Variants in IER2 observed in about 807,000 individuals in gnomAD.
The protein encoded by IER2 is immediate early response 2, also known as immediate early response gene 2 protein.
For synonymous variants in IER2, 198 were observed against 149.6 expected (o/e 1.32, Z -2.36); for missense variants, 372 against 325.4 (o/e 1.14, Z -1.10).
intron 1 of IER2, chr19:13,152,032 T>G (rs2020071062): frequency 6.6e-6 from 1 of 152,240 alleles, no homozygotes; most frequent in Non-Finnish European, 1.5e-5. Flanking sequence ...ATGGAGCCAT[T>G]CGAACAATTC....
Position 13,153,251 on chromosome 19 carries a change from G to GC in IER2, c.66dup (p.Met23HisfsTer46). The GC allele has an allele frequency of 6.3e-7, 1 of 1,581,424 alleles. No homozygotes were observed. Among genetic ancestry groups the GC allele is most frequent in the Non-Finnish European group, 8.6e-7 (1 of 1,164,132 alleles). ...TCGGTGTGGAAGATGTATCACTCCC[G>GC]CATGCAGCGCGGTGGCCTGCGGCTG... On this transcript the variant is annotated frameshift_variant, in exon 2 of 2. Coordinates refer to ENST00000292433, the MANE Select transcript of IER2 (RefSeq NM_004907.3). LOFTEE classifies it low-confidence loss of function (END_TRUNC).
intron 1 of IER2, among the ~76,000 whole-genome samples, chr19:13,151,132 T>C (rs978649762): frequency 1.3e-4 from 20 of 151,788 alleles, no homozygotes; most frequent in African/African-American, 4.6e-4. Context: ...TTTTGAGTGA[T>C]AGGGGGCCTG....
Position 13,154,193 on chromosome 19 carries a change from G to T in IER2, c.*335G>T. 5.8e-6 allele frequency: 2 copies of T among 344,142 alleles called. No individual in the cohort carries two copies. The highest frequency in any genetic ancestry group is 1.9e-4 in the South Asian group (2 of 10,558). The allele number at this position is 344,142 out of a possible 1,614,324, so 21.3% of individuals were successfully genotyped here. On this transcript the variant is annotated 3_prime_UTR_variant, in exon 2 of 2. Transcript: ENST00000292433. Reference sequence around the variant, plus strand: ...GGGAGAAGGGAGGCTTGGGTGTTGTGTTTTTTGTTTTGTTTGTTTGTTTGT... The same window carrying T: ...GGGAGAAGGGAGGCTTGGGTGTTGTTTTTTTTGTTTTGTTTGTTTGTTTGT...
rs1367504154 is a variant in IER2 at position 13,150,506 on chromosome 19, C to T, written c.-290C>T. 3.2e-5 allele frequency: 9 copies of T among 280,334 alleles called. No individual in the cohort carries two copies. The highest frequency in any genetic ancestry group is 1.4e-4 in the South Asian group (3 of 20,898). The allele number at this position is 280,334 out of a possible 1,614,324, so 17.4% of individuals were successfully genotyped here. A position where few individuals can be genotyped will look rare whatever the true frequency, so the allele number is the denominator to read the frequency against. On this transcript the variant is annotated 5_prime_UTR_variant, in exon 1 of 2. Transcript: ENST00000292433. This position sits in a 1 kb window ranked among gnomAD's most constrained non-coding sequence, Gnocchi z 4.0. ...AATTTCGGTTCAAGGCCCAGTTCCTCGGATTGTTCCTGCGCAACTTCAGTT... is the reference window on the plus strand; with the variant it reads ...AATTTCGGTTCAAGGCCCAGTTCCTTGGATTGTTCCTGCGCAACTTCAGTT...
chr19:13,153,988 C>T lies in IER2; in HGVS notation c.*130C>T. 1 of 788,148 alleles carries T rather than the reference C, an allele frequency of 1.3e-6. No homozygotes were observed. Among genetic ancestry groups the T allele is most frequent in the Non-Finnish European group, 1.9e-6 (1 of 530,750 alleles). 48.8% of individuals were successfully genotyped at this position (788,148 alleles called of 1,614,324 possible). A position where few individuals can be genotyped will look rare whatever the true frequency, so the allele number is the denominator to read the frequency against. On this transcript the variant is annotated 3_prime_UTR_variant, in exon 2 of 2. Transcript: ENST00000292433. The stretch of plus-strand genomic sequence containing the variant: ...CGCGAAAACCGTGGAGAGAAGCCGC[C>T]GCCCGGGCTGCTGAGAGGCCCGGAG...
Position 13,150,503 on chromosome 19 carries a change from C to T in IER2, c.-293C>T. On this transcript the variant is annotated 5_prime_UTR_variant, in exon 1 of 2. Coordinates refer to ENST00000292433, the MANE Select transcript of IER2 (RefSeq NM_004907.3). The surrounding 1 kb of genome is among the most constrained non-coding windows in gnomAD (Gnocchi z 4.0). ...CGGAATTTCGGTTCAAGGCCCAGTT[C>T]CTCGGATTGTTCCTGCGCAACTTCA... The T allele has an allele frequency of 3.4e-6, 1 of 290,934 alleles. No homozygotes were observed. The highest frequency in any genetic ancestry group is 6.5e-6 in the Non-Finnish European group (1 of 154,730). The allele number at this position is 290,934 out of a possible 1,614,324, so 18.0% of individuals were successfully genotyped here.
chr19:13,153,145 G>A lies in IER2; in HGVS notation c.-42G>A, dbSNP rs1464363525. Reference sequence around the variant, plus strand: ...CCGGAGTGCACCTGCTGCCTGTTCTGTCCCTCCCGGGAGCCCCCGCCGCTG... The same window carrying A: ...CCGGAGTGCACCTGCTGCCTGTTCTATCCCTCCCGGGAGCCCCCGCCGCTG... On this transcript the variant is annotated 5_prime_UTR_variant, in exon 2 of 2. Transcript: ENST00000292433. 23 of 1,447,312 alleles carry A rather than the reference G, an allele frequency of 1.6e-5. No individual in the cohort carries two copies. Among genetic ancestry groups the A allele is most frequent in the Non-Finnish European group, 2.1e-5 (23 of 1,090,348 alleles). The allele number at this position is 1,447,312 out of a possible 1,614,324, so 89.7% of individuals were successfully genotyped here. A position where few individuals can be genotyped will look rare whatever the true frequency, so the allele number is the denominator to read the frequency against.
rs946035968 is a variant in IER2 at position 13,151,806 on chromosome 19, C to CA, written c.-243-1138_-243-1137insA. ...GCAAAGCCCCGCCCCTCCGCGCCCC[C>CA]CCCCCGGAAGCCCCGCCGCCGGCCG... is the stretch of plus-strand genomic sequence containing the variant. On this transcript the variant is annotated intron_variant, in intron 1 of 1. Coordinates refer to ENST00000292433, the MANE Select transcript of IER2 (RefSeq NM_004907.3). Among the ~76,000 whole-genome samples the CA allele has an allele frequency of 1.4e-4, 18 of 127,978 alleles. No homozygotes were observed. In the South Asian group the frequency reaches 3.1e-3, roughly 22 times the overall value. The allele number at this position is 127,978 out of a possible 152,430, so 84.0% of individuals were successfully genotyped here.
chr19:13,151,005 C>T (rs1035742622), intron 1 of IER2, among the ~76,000 whole-genome samples: 11 of 152,110 alleles, frequency 7.2e-5, no homozygotes, highest in African/African-American at 2.7e-4. Flanking sequence ...CCAGGGGGGC[C>T]CTCTGTGTGT....
chr19:13,150,839 G>T lies in IER2; in HGVS notation c.-244+287G>T, dbSNP rs1052749344. Among the ~76,000 whole-genome samples, 3 of 152,156 alleles carry T rather than the reference G, an allele frequency of 2.0e-5. No individual in the cohort carries two copies. Among genetic ancestry groups the T allele is most frequent in the Non-Finnish European group, 2.9e-5 (2 of 68,022 alleles). On this transcript the variant is annotated intron_variant, in intron 1 of 1. Transcript: ENST00000292433. This position sits in a 1 kb window ranked among gnomAD's most constrained non-coding sequence, Gnocchi z 4.0. ...GCGGAGTTGGGGGCACTTCGAGGTC[G>T]CCTTGGGGCGAGGTGGTCGTGAGGG...
chr19:13,153,068 A>G lies in IER2; in HGVS notation c.-119A>G. Reference sequence around the variant, plus strand: ...GGGCGCCTGGGCAGAGCGTCCTAGCAGTGTCACTGCGTGGGTTGGTTTGTG... The same window carrying G: ...GGGCGCCTGGGCAGAGCGTCCTAGCGGTGTCACTGCGTGGGTTGGTTTGTG... On this transcript the variant is annotated 5_prime_UTR_variant, in exon 2 of 2. Coordinates refer to ENST00000292433, the MANE Select transcript of IER2 (RefSeq NM_004907.3). 2.9e-6 allele frequency: 2 copies of G among 690,298 alleles called. No individual in the cohort carries two copies. The highest frequency in any genetic ancestry group is 4.6e-6 in the Non-Finnish European group (2 of 438,770). 42.8% of individuals were successfully genotyped at this position (690,298 alleles called of 1,614,324 possible).
chr19:13,153,946 A>AGGAAGCT lies in IER2; in HGVS notation c.*88_*89insGGAAGCT. 8.6e-7 allele frequency: 1 copy of AGGAAGCT among 1,161,996 alleles called. No individual in the cohort carries two copies. Among genetic ancestry groups the AGGAAGCT allele is most frequent in the South Asian group, 1.9e-5 (1 of 52,066 alleles). The allele number at this position is 1,161,996 out of a possible 1,614,324, so 72.0% of individuals were successfully genotyped here. A position where few individuals can be genotyped will look rare whatever the true frequency, so the allele number is the denominator to read the frequency against. ...ACCTGAGGCGAGGCCACCCCCCTCC[A>AGGAAGCT]TCCTGGGGGAAGCGCCCGCGAAAAC... is the stretch of plus-strand genomic sequence containing the variant. On this transcript the variant is annotated 3_prime_UTR_variant, in exon 2 of 2. Transcript: ENST00000292433.
chr19:13,153,141 T>A lies in IER2; in HGVS notation c.-46T>A, dbSNP rs1360786432. The A allele has an allele frequency of 7.0e-7, 1 of 1,429,506 alleles. No homozygotes were observed. The allele number at this position is 1,429,506 out of a possible 1,614,324, so 88.6% of individuals were successfully genotyped here. On this transcript the variant is annotated 5_prime_UTR_variant, in exon 2 of 2. Transcript: ENST00000292433. ...TTGTCCGGAGTGCACCTGCTGCCTG[T>A]TCTGTCCCTCCCGGGAGCCCCCGCC...
At position 13,153,843 on chromosome 19, in the gene IER2, C is replaced by G; in HGVS notation, c.657C>G (p.Ala219=). 1.4e-6 allele frequency: 2 copies of G among 1,441,692 alleles called. No individual in the cohort carries two copies. 89.3% of individuals were successfully genotyped at this position (1,441,692 alleles called of 1,614,324 possible). ...GCATGCTCAACGTGCTCGTGCGGGC[C>G]GTGGTGGCCTTCTGAGGACCCCGAG... ...ADSMLNVLVR[A]VVAF Residue 219 remains alanine, a synonymous_variant, in exon 2 of 2, where the codon GCC becomes GCG. Transcript: ENST00000292433.
rs755980383 is a variant in IER2, at chr19:13,153,534, C to T, written c.348C>T (p.Ala116=). ...CCGCCTGCTGTGCCCCGCGCCCCGC[C>T]AAAGTCAGCCGCAAACGACGCAGCA... ...ETSACCAPRP[A]KVSRKRRSSS... is the part of the protein sequence containing the mutation. Residue 116 remains alanine, a synonymous_variant, in exon 2 of 2, where the codon GCC becomes GCT. Coordinates refer to ENST00000292433, the MANE Select transcript of IER2 (RefSeq NM_004907.3). 1 of 1,586,874 alleles carries T rather than the reference C, an allele frequency of 6.3e-7. No homozygotes were observed. Among genetic ancestry groups the T allele is most frequent in the Non-Finnish European group, 8.6e-7 (1 of 1,167,266 alleles).
Position 13,150,475 on chromosome 19 carries a change from G to C in IER2, c.-321G>C. On this transcript the variant is annotated 5_prime_UTR_variant, in exon 1 of 2. Coordinates refer to ENST00000292433, the MANE Select transcript of IER2 (RefSeq NM_004907.3). This position sits in a 1 kb window ranked among gnomAD's most constrained non-coding sequence, Gnocchi z 4.0. ...TCTGTCTGGGCCTATTCGGGTCCGA[G>C]TTCGGAATTTCGGTTCAAGGCCCAG... The C allele has an allele frequency of 2.9e-6, 1 of 343,744 alleles. No individual in the cohort carries two copies. Among genetic ancestry groups the C allele is most frequent in the Non-Finnish European group, 5.3e-6 (1 of 188,038 alleles). 21.3% of individuals were successfully genotyped at this position (343,744 alleles called of 1,614,324 possible). A position where few individuals can be genotyped will look rare whatever the true frequency, so the allele number is the denominator to read the frequency against.
chr19:13,151,285 G>A (rs1162000578), intron 1 of IER2, among the ~76,000 whole-genome samples: 1 of 152,060 alleles, frequency 6.6e-6, no homozygotes, highest in Non-Finnish European at 1.5e-5. Flanking sequence ...AGGTTAGCGG[G>A]GTGGGGACGG....
rs2020087918 is a variant in IER2 at position 13,153,284 on chromosome 19, G to C, written c.98G>C (p.Ser33Thr). Residue 33 changes from serine to threonine, a missense_variant, in exon 2 of 2, where the codon AGT (serine) becomes ACT (threonine). Transcript: ENST00000292433. ...CGCGGTGGCCTGCGGCTGCACCGGAGTCTGCAGCTGTCGCTGGTCATGCGC... is the reference window on the plus strand; with the variant it reads ...CGCGGTGGCCTGCGGCTGCACCGGACTCTGCAGCTGTCGCTGGTCATGCGC... ...MQRGGLRLHR[S>T]LQLSLVMRSA... 1 of 1,604,116 alleles carries C rather than the reference G, an allele frequency of 6.2e-7. No homozygotes were observed. The highest frequency in any genetic ancestry group is 2.3e-5 in the East Asian group (1 of 44,424).
In IER2 at chr19:13,153,442, C is replaced by G; in HGVS notation, c.256C>G (p.Pro86Ala). Residue 86 changes from proline (P) to alanine (A), a missense_variant, in exon 2 of 2, where the codon CCC (proline) becomes GCC (alanine). Pro to Ala is a conservative substitution (Grantham distance 27). Transcript: ENST00000292433. ...CGAGTCCACGGCCGAGACAGCGACC[C>G]CCGACGGTGAGCACCCGTTTCCGGA... ...EAESTAETAT[P>A]DGEHPFPEPM... 6.3e-7 allele frequency: 1 copy of G among 1,594,868 alleles called. No homozygotes were observed. Among genetic ancestry groups the G allele is most frequent in the South Asian group, 1.1e-5 (1 of 89,030 alleles).
Sources: gnomAD v4.1 joint callset for allele counts (sites outside exome capture counted in the v4.1 genomes callset) on GRCh38, gnomAD v4.1.1 for gene constraint, Gnocchi (gnomAD v3.1) non-coding constraint, MANE v1.5 for transcripts, NCBI Gene and HGNC (gene_info 2026-07-23, HGNC 2026-07-21) for gene names.